The following ZNF516 variants were observed in gnomAD, a reference collection of about 807,000 sequenced individuals.
ZNF516 encodes zinc finger protein 516.
Under a neutral mutation model 79.7 loss-of-function variants are expected in ZNF516, and 19 were observed. That is an observed-to-expected ratio of 0.24 (90% CI 0.17 to 0.35). ZNF516 has a LOEUF of 0.35. Among genes scored for constraint, ZNF516 ranks in the 10% least tolerant of loss-of-function variants. The probability of loss-of-function intolerance (pLI) is 1.00; values close to 1 mark genes in which losing one functional copy is unlikely to be tolerated. For synonymous variants in ZNF516, 877 were observed against 739.5 expected (o/e 1.19, Z -3.02); for missense variants, 1,678 against 1,679.5 (o/e 1.00, Z 0.02).
chr18:76,385,589 G>T (rs2074975086), intron 3 of ZNF516: 1 of 152,238 alleles, frequency 6.6e-6, no homozygotes, highest in South Asian at 2.1e-4. Flanking sequence ...GGTTTTCCAT[G>T]GGTGTTTAAA....
chr18:76,410,212 G>A (rs1308034928), intron 3 of ZNF516, among the ~76,000 whole-genome samples: 1 of 152,200 alleles, frequency 6.6e-6, no homozygotes, highest in Non-Finnish European at 1.5e-5. Flanking sequence ...GGCTGGCAAG[G>A]ACAGGGAAGT....
In ZNF516 at chr18:76,383,035, C is replaced by CAAAAAA. The variant is rs772423972; in HGVS notation, c.1811-2738_1811-2733dup. On this transcript the variant is annotated intron_variant, in intron 3 of 6. Transcript: ENST00000443185. ...TGGGCAACAGAGCAAGACTCTGTCT[C>CAAAAAA]AAAAAAAAAAAAAAAAAAAAAAAAG... is the stretch of plus-strand genomic sequence containing the variant. Among the ~76,000 whole-genome samples, 23 of 49,796 alleles carry CAAAAAA rather than the reference C, an allele frequency of 4.6e-4. 1 individual carries two copies. Among genetic ancestry groups the CAAAAAA allele is most frequent in the African/African-American group, 1.7e-3 (20 of 11,958 alleles). The allele number at this position is 49,796 out of a possible 152,430, so 32.7% of individuals were successfully genotyped here.
chr18:76,455,516 G>A (rs1043643151), intron 2 of ZNF516, among the ~76,000 whole-genome samples: 6 of 152,210 alleles, frequency 3.9e-5, no homozygotes, highest in African/African-American at 1.4e-4. Flanking sequence ...GGCCCACCTA[G>A]GCCTCCCTGC....
At chr18:76,401,713 G>A (rs1356195212) in intron 3 of ZNF516, among the ~76,000 whole-genome samples, 1 of 50,842 alleles carries the variant, frequency 2.0e-5, no homozygotes, top group Non-Finnish European at 3.6e-5. Flanking sequence ...GGGGCTCTCA[G>A]AGCCAACCAC....
intron 1 of ZNF516, chr18:76,491,613 C>A: frequency 2.5e-6 from 1 of 396,960 alleles, no homozygotes; most frequent in Non-Finnish European, 3.4e-6. Flanking sequence ...CTTCTCCGCC[C>A]CTTCCCGCCC....
At chr18:76,418,287 GCACTATAACACACA>G (rs2075460347) in intron 3 of ZNF516, among the ~76,000 whole-genome samples, 1 of 151,266 alleles carries the variant, frequency 6.6e-6, no homozygotes, top group Admixed American at 6.6e-5. Flanking sequence ...ACACTGTAAC[GCACTATAACACACA>G]CGCTGTAACA....
At chr18:76,371,683 G>GATGTT in intron 4 of ZNF516, 112 bp from the exon 5 acceptor site, 1 of 793,890 alleles carries the variant, frequency 1.3e-6, no homozygotes, top group Non-Finnish European at 2.0e-6. Context: ...TCTGTCTAAT[G>GATGTT]TGTCATCATG....
chr18:76,383,035 CAA>C (rs772423972), intron 3 of ZNF516, among the ~76,000 whole-genome samples: 362 of 49,770 alleles, frequency 7.3e-3, no homozygotes, highest in African/African-American at 0.029. Flanking sequence ...GACTCTGTCT[CAA>C]AAAAAAAAAA....
In ZNF516 at chr18:76,359,530, G is replaced by A. The variant is rs1327918868; in HGVS notation, c.*2968C>T. The A allele has an allele frequency of 6.6e-6, 1 of 152,110 alleles. No homozygotes were observed. Among genetic ancestry groups the A allele is most frequent in the Admixed American group, 6.5e-5 (1 of 15,270 alleles). 9.4% of individuals were successfully genotyped at this position (152,110 alleles called of 1,614,324 possible). A position where few individuals can be genotyped will look rare whatever the true frequency, so the allele number is the denominator to read the frequency against. On this transcript the variant is annotated 3_prime_UTR_variant, in exon 7 of 7. Coordinates refer to ENST00000443185, the MANE Select transcript of ZNF516 (RefSeq NM_014643.4). ...GAAGCTCATTAGCTGTGTGTTATTTGAACGCAAAAATGAGGAAGAGATATG... is the reference window on the plus strand; with the variant it reads ...GAAGCTCATTAGCTGTGTGTTATTTAAACGCAAAAATGAGGAAGAGATATG...
chr18:76,391,560 C>T (rs2075075000), intron 3 of ZNF516, among the ~76,000 whole-genome samples: 1 of 147,580 alleles, frequency 6.8e-6, no homozygotes, highest in Non-Finnish European at 1.5e-5. Flanking sequence ...TAACCGCTCC[C>T]TCTGTCGCTG....
intron 3 of ZNF516, among the ~76,000 whole-genome samples, chr18:76,434,334 AGTC>A (rs1413633612): frequency 6.6e-6 from 1 of 152,210 alleles, no homozygotes; most frequent in African/African-American, 2.4e-5. Context: ...CGGGGCTGAA[AGTC>A]GTATCCAGCA....
chr18:76,392,558 C>CAGGTGGCCGG (rs2075090486), intron 3 of ZNF516, among the ~76,000 whole-genome samples: 3 of 52,482 alleles, frequency 5.7e-5, no homozygotes, highest in African/African-American at 2.2e-4. Flanking sequence ...CAGGTGGCCA[C>CAGGTGGCCGG]GTGGGGGAAA....
intron 1 of ZNF516, among the ~76,000 whole-genome samples, chr18:76,483,009 AG>A (rs1234665147): frequency 6.6e-6 from 1 of 152,224 alleles, no homozygotes; most frequent in Non-Finnish European, 1.5e-5. Flanking sequence ...TCTTAAGAAA[AG>A]AAAAAAAATT....
In ZNF516 at chr18:76,460,435, A is replaced by G. The variant is rs893766468; in HGVS notation, c.-158+2593T>C. The stretch of plus-strand genomic sequence containing the variant: ...TGTCAGAACATTCCTTGACCTTCCA[A>G]TAAAAGGGGTACAATCTAAATACAA... On this transcript the variant is annotated intron_variant, in intron 2 of 6. Transcript: ENST00000443185. 2.0e-5 allele frequency among the ~76,000 whole-genome samples: 3 copies of G among 152,160 alleles called. No homozygotes were observed. The East Asian group carries it at 5.8e-4, about 29-fold the overall frequency.
chr18:76,460,362 A>G (rs1468603496), intron 2 of ZNF516, among the ~76,000 whole-genome samples: 1 of 151,688 alleles, frequency 6.6e-6, no homozygotes, highest in Non-Finnish European at 1.5e-5. Context: ...CCCTGTTACC[A>G]CCTTCCAGGC....
intron 3 of ZNF516, among the ~76,000 whole-genome samples, chr18:76,395,897 C>G (rs1029617469): frequency 2.0e-5 from 3 of 152,190 alleles, no homozygotes; most frequent in Admixed American, 1.3e-4. Flanking sequence ...GTCCAGCTCC[C>G]CACACCGCGA....
chr18:76,480,159 TA>T (rs539724418), intron 1 of ZNF516, among the ~76,000 whole-genome samples: 31,071 of 108,638 alleles, frequency 0.29, 3,418 homozygotes, highest in South Asian at 0.45. Context: ...AGATTTTGTG[TA>T]AAAAAAAAAA....
intron 3 of ZNF516, among the ~76,000 whole-genome samples, chr18:76,399,048 C>T (rs1033325743): frequency 6.6e-6 from 1 of 152,190 alleles, no homozygotes; most frequent in Non-Finnish European, 1.5e-5. Context: ...CGGATTTCCC[C>T]GAGGCATCCT....
chr18:76,375,204 C>T (rs2074767161), intron 4 of ZNF516, among the ~76,000 whole-genome samples: 1 of 152,188 alleles, frequency 6.6e-6, no homozygotes, highest in Admixed American at 6.5e-5. Flanking sequence ...GGCTACAACA[C>T]TTTAAGGGCG....
Sources: gnomAD v4.1 joint callset for allele counts (sites outside exome capture counted in the v4.1 genomes callset) on GRCh38, gnomAD v4.1.1 for gene constraint, MANE v1.5 for transcripts, NCBI Gene and HGNC (gene_info 2026-07-23, HGNC 2026-07-21) for gene names.